Variants in KIRREL3 observed in about 807,000 individuals in gnomAD.
KIRREL3 encodes kin of IRRE-like protein 3.
KIRREL3 carries 36 observed loss-of-function variants against 89.7 expected under a neutral mutation model. The ratio of observed to expected loss-of-function variants is 0.40; its 90% confidence interval spans 0.31 to 0.53. KIRREL3 has a LOEUF of 0.53. Among genes scored for constraint, KIRREL3 ranks in the 20% least tolerant of loss-of-function variants. KIRREL3 has a pLI of 0.49. For missense variants in KIRREL3, 864 were observed against 1,056.6 expected (o/e 0.82, Z 2.53); for synonymous variants, 445 against 441.4 (o/e 1.01, Z -0.10).
intron 1 of KIRREL3, among the ~76,000 whole-genome samples, chr11:126,961,951 A>C (rs560563579): frequency 1.4e-3 from 216 of 152,364 alleles, no homozygotes; most frequent in Middle Eastern, 3.4e-3. Context: ...ATCTGCTTAC[A>C]GGTTAGTTTA....
At position 126,917,406 on chromosome 11, in the gene KIRREL3, A is replaced by G. The variant is rs183691163; in HGVS notation, c.55+83049T>C. Among the ~76,000 whole-genome samples, 32 of 152,356 alleles carry G rather than the reference A, an allele frequency of 2.1e-4. No individual in the cohort carries two copies. In the East Asian group the frequency reaches 4.4e-3, roughly 21 times the overall value. Reference sequence around the variant, plus strand: ...GATGGTTGCACAACATTGTCAATATAGTTAATGCCACTAAACCGTATACTT... The same window carrying G: ...GATGGTTGCACAACATTGTCAATATGGTTAATGCCACTAAACCGTATACTT... On this transcript the variant is annotated intron_variant, in intron 1 of 16. Transcript: ENST00000525144. This position sits in a 1 kb window ranked among gnomAD's most constrained non-coding sequence, Gnocchi z 5.0.
intron 1 of KIRREL3, among the ~76,000 whole-genome samples, chr11:126,660,523 A>G (rs1945348392): frequency 1.3e-5 from 2 of 152,042 alleles, no homozygotes; most frequent in Admixed American, 6.6e-5. Context: ...TTGAGAACTG[A>G]CTGTGTGTCT....
chr11:126,926,251 G>A (rs1028065671), intron 1 of KIRREL3, among the ~76,000 whole-genome samples: 4 of 152,230 alleles, frequency 2.6e-5, no homozygotes, highest in African/African-American at 9.7e-5. Context: ...TCTACTTGAT[G>A]TGTGACCTCT....
rs888549178 is a variant in KIRREL3, at chr11:126,623,571, A to G, written c.56-60659T>C. On this transcript the variant is annotated intron_variant, in intron 1 of 16. Transcript: ENST00000525144. The surrounding 1 kb of genome is among the most constrained non-coding windows in gnomAD (Gnocchi z 4.1). Reference sequence around the variant, plus strand: ...TGCATGATGGAAGAGGAAACCAGGTAAGAGTGAGCAAGCAGGATGGTAAAA... The same window carrying G: ...TGCATGATGGAAGAGGAAACCAGGTGAGAGTGAGCAAGCAGGATGGTAAAA... Among the ~76,000 whole-genome samples the G allele has an allele frequency of 2.0e-5, 3 of 152,114 alleles. No homozygotes were observed. Among genetic ancestry groups the G allele is most frequent in the African/African-American group, 7.2e-5 (3 of 41,424 alleles).
intron 1 of KIRREL3, among the ~76,000 whole-genome samples, chr11:126,963,926 A>G (rs1053218396): frequency 2.0e-5 from 3 of 152,142 alleles, no homozygotes; most frequent in African/African-American, 7.2e-5. Context: ...CCCCACCTGC[A>G]CTTGTCCATA....
At chr11:126,832,914 T>C (rs1206374148) in intron 1 of KIRREL3, among the ~76,000 whole-genome samples, 3 of 152,238 alleles carry the variant, frequency 2.0e-5, no homozygotes, top group Admixed American at 6.5e-5. Context: ...GACTTCACTA[T>C]GGTGCACAGA....
At chr11:126,581,429 T>C (rs1003836608) in intron 1 of KIRREL3, among the ~76,000 whole-genome samples, 1 of 152,156 alleles carries the variant, frequency 6.6e-6, no homozygotes, top group African/African-American at 2.4e-5. Context: ...CATAAACTCC[T>C]GACCTCAGGT....
At position 126,748,611 on chromosome 11, in the gene KIRREL3, A is replaced by G. The variant is rs919402912; in HGVS notation, c.56-185699T>C. ...AAGGGAGGGAATCGTGTGCTGTGGC[A>G]GGAAAGAAGAGGCCTCTGCGGGAAG... is the stretch of plus-strand genomic sequence containing the variant. On this transcript the variant is annotated intron_variant, in intron 1 of 16. Transcript: ENST00000525144. This position sits in a 1 kb window ranked among gnomAD's most constrained non-coding sequence, Gnocchi z 4.6. Among the ~76,000 whole-genome samples, 2 of 152,122 alleles carry G rather than the reference A, an allele frequency of 1.3e-5. No individual in the cohort carries two copies. The highest frequency in any genetic ancestry group is 2.9e-5 in the Non-Finnish European group (2 of 68,016).
rs779073584 is a variant in KIRREL3, at chr11:126,795,087, G to A, written c.55+205368C>T. ...TGCCAGGGGTTGGGCAGGAGGAGGA[G>A]GAGAGAGATGAATTGTGGAGCACAG... On this transcript the variant is annotated intron_variant, in intron 1 of 16. Transcript: ENST00000525144. This position sits in a 1 kb window ranked among gnomAD's most constrained non-coding sequence, Gnocchi z 4.1. 6.6e-6 allele frequency among the ~76,000 whole-genome samples: 1 copy of A among 152,220 alleles called. No individual in the cohort carries two copies. Among genetic ancestry groups the A allele is most frequent in the Non-Finnish European group, 1.5e-5 (1 of 68,038 alleles).
At chr11:126,716,762 A>G (rs12276142) in intron 1 of KIRREL3, among the ~76,000 whole-genome samples, 11 of 129,910 alleles carry the variant, frequency 8.5e-5, no homozygotes, top group East Asian at 6.6e-4. Context: ...GGGGGGGGGA[A>G]GTGTGGGGGA....
At chr11:127,002,748 C>T (rs989272871), upstream of KIRREL3, among the ~76,000 whole-genome samples, 13 of 152,160 alleles carry the variant, frequency 8.5e-5, no homozygotes, top group African/African-American at 2.9e-4. Context: ...ATCCTTTAAG[C>T]TGTTGTTTAA....
chr11:126,576,803 T>G lies in KIRREL3; in HGVS notation c.56-13891A>C, dbSNP rs758703122. On this transcript the variant is annotated intron_variant, in intron 1 of 16. Coordinates refer to ENST00000525144, the MANE Select transcript of KIRREL3 (RefSeq NM_032531.4). This position sits in a 1 kb window ranked among gnomAD's most constrained non-coding sequence, Gnocchi z 5.4. ...AATCAGCTGAGGAGCAAGGGATTCC[T>G]GAGCCACAAATGAGGCTCTCCCTAC... 8.5e-5 allele frequency among the ~76,000 whole-genome samples: 13 copies of G among 152,256 alleles called. No individual in the cohort carries two copies. Among genetic ancestry groups the G allele is most frequent in the Non-Finnish European group, 1.8e-4 (12 of 68,046 alleles).
Position 126,495,753 on chromosome 11 carries a change from C to T in KIRREL3, c.434-22287G>A, listed in dbSNP as rs1318504074. Among the ~76,000 whole-genome samples, 5 of 152,282 alleles carry T rather than the reference C, an allele frequency of 3.3e-5. No homozygotes were observed. The highest frequency in any genetic ancestry group is 5.9e-5 in the Non-Finnish European group (4 of 68,024). On this transcript the variant is annotated intron_variant, in intron 4 of 16. Coordinates refer to ENST00000525144, the MANE Select transcript of KIRREL3 (RefSeq NM_032531.4). The surrounding 1 kb of genome is among the most constrained non-coding windows in gnomAD (Gnocchi z 6.5). ...CCATGTGGGCACTCCCTGCCCTTCTCACCGCTCTCCTTGTAAAAGGCAGTG... is the reference window on the plus strand; with the variant it reads ...CCATGTGGGCACTCCCTGCCCTTCTTACCGCTCTCCTTGTAAAAGGCAGTG...
intron 1 of KIRREL3, among the ~76,000 whole-genome samples, chr11:126,901,046 T>A (rs186982903): frequency 6.6e-6 from 1 of 152,092 alleles, no homozygotes; most frequent in African/African-American, 2.4e-5. Flanking sequence ...AAACTTCACC[T>A]CTACTAAAAA....
chr11:126,798,240 C>T (rs1318688454), intron 1 of KIRREL3, among the ~76,000 whole-genome samples: 2 of 152,162 alleles, frequency 1.3e-5, no homozygotes, highest in Non-Finnish European at 2.9e-5. Context: ...TGCACAGCTC[C>T]TTCCTCTCTC....
chr11:126,848,649 A>G (rs1341519202), intron 1 of KIRREL3, among the ~76,000 whole-genome samples: 3 of 152,210 alleles, frequency 2.0e-5, no homozygotes, highest in Non-Finnish European at 4.4e-5. Context: ...TTTAGTTTAC[A>G]TGGGATAATT....
intron 1 of KIRREL3, among the ~76,000 whole-genome samples, chr11:126,679,274 AC>A (rs1396390527): frequency 1.3e-5 from 2 of 152,140 alleles, no homozygotes; most frequent in South Asian, 2.1e-4. Flanking sequence ...CTACTTCTGG[AC>A]CTTTTGTTAA....
At chr11:126,466,449 G>A (rs753545788) in intron 5 of KIRREL3, among the ~76,000 whole-genome samples, 3 of 152,222 alleles carry the variant, frequency 2.0e-5, no homozygotes, top group Non-Finnish European at 2.9e-5. Flanking sequence ...ACGACTGAGG[G>A]GAGGAAGGTG....
Position 126,459,080 on chromosome 11 carries a change from A to G in KIRREL3, c.743-2626T>C, listed in dbSNP as rs535921270. 6.6e-6 allele frequency among the ~76,000 whole-genome samples: 1 copy of G among 152,110 alleles called. No individual in the cohort carries two copies. On this transcript the variant is annotated intron_variant, in intron 6 of 16. Transcript: ENST00000525144. The surrounding 1 kb of genome is among the most constrained non-coding windows in gnomAD (Gnocchi z 4.8). ...AGCTTGGGAATCGCCACCGGATCCA[A>G]ACGCATTGCTGGCCCGTGCCCTCGC...
Sources: gnomAD v4.1 joint callset for allele counts (sites outside exome capture counted in the v4.1 genomes callset) on GRCh38, gnomAD v4.1.1 for gene constraint, Gnocchi (gnomAD v3.1) non-coding constraint, MANE v1.5 for transcripts, NCBI Gene and HGNC (gene_info 2026-07-23, HGNC 2026-07-21) for gene names.